RADIL: variants seen among roughly 807,000 people sequenced by gnomAD.
RADIL encodes ras-associating and dilute domain-containing protein.
In RADIL, 99 loss-of-function variants were observed where a neutral mutation model predicts 97.6. That is an observed-to-expected ratio of 1.01 (90% CI 0.86 to 1.20). RADIL has a LOEUF of 1.20. Among genes scored for constraint, RADIL ranks in the 50% most tolerant of loss-of-function variants. RADIL has a pLI of 0.00. For missense variants in RADIL, 1,765 were observed against 1,498.9 expected (o/e 1.18, Z -2.93); for synonymous variants, 803 against 691.8 (o/e 1.16, Z -2.52).
rs183764231 is a variant in RADIL at position 4,821,550 on chromosome 7, C to G, written c.1615+844G>C. Among the ~76,000 whole-genome samples, 141 of 152,308 alleles carry G rather than the reference C, an allele frequency of 9.3e-4. No homozygotes were observed. The highest frequency in any genetic ancestry group is 3.0e-3 in the African/African-American group (123 of 41,550). ...CCTCTCCCTTAGTATTTTCAGAACA[C>G]TTCCTACTGCATTTCAGAAATCCTG... On this transcript the variant is annotated intron_variant, in intron 6 of 14. Transcript: ENST00000399583. This position sits in a 1 kb window ranked among gnomAD's most constrained non-coding sequence, Gnocchi z 5.2.
chr7:4,819,449 C>T lies in RADIL; in HGVS notation c.1616-2098G>A, dbSNP rs1006168028. The stretch of plus-strand genomic sequence containing the variant: ...CATTTCTGAGGATTTCCGACGCCCA[C>T]GAGCCATTAAGAGGACACACCAGCC... On this transcript the variant is annotated intron_variant, in intron 6 of 14. Coordinates refer to ENST00000399583, the MANE Select transcript of RADIL (RefSeq NM_018059.5). The surrounding 1 kb of genome is among the most constrained non-coding windows in gnomAD (Gnocchi z 5.8). 2.9e-4 allele frequency among the ~76,000 whole-genome samples: 44 copies of T among 151,954 alleles called. No individual in the cohort carries two copies. Among genetic ancestry groups the T allele is most frequent in the Non-Finnish European group, 5.7e-4 (39 of 67,984 alleles).
rs1782608742 is a variant in RADIL, at chr7:4,813,868, C to T, written c.2139+1410G>A. Among the ~76,000 whole-genome samples the T allele has an allele frequency of 6.6e-6, 1 of 152,178 alleles. No homozygotes were observed. Reference sequence around the variant, plus strand: ...TTAGCCCCATCTTGACATCGGTGTCCAGAGGTACCTGGTGCCACCAATTCC... The same window carrying T: ...TTAGCCCCATCTTGACATCGGTGTCTAGAGGTACCTGGTGCCACCAATTCC... On this transcript the variant is annotated intron_variant, in intron 9 of 14. Transcript: ENST00000399583. The surrounding 1 kb of genome is among the most constrained non-coding windows in gnomAD (Gnocchi z 5.0).
Position 4,805,718 on chromosome 7 carries a change from T to C in RADIL, c.2140-2A>G, listed in dbSNP as rs748670203. 2 of 1,605,362 alleles carry C rather than the reference T, an allele frequency of 1.2e-6. No individual in the cohort carries two copies. Among genetic ancestry groups the C allele is most frequent in the Admixed American group, 3.3e-5 (2 of 59,822 alleles). On this transcript the variant is annotated splice_acceptor_variant, in intron 9 of 14. Coordinates refer to ENST00000399583, the MANE Select transcript of RADIL (RefSeq NM_018059.5). LOFTEE classifies it high-confidence loss of function. ...AGCCCGCAGGGCTGTCCAGCTCATC[T>C]GGGTGACAAGAAGGAGCTCATGGTC...
rs1261107635 is a variant in RADIL, at chr7:4,814,567, AG to A, written c.2139+710del. Among the ~76,000 whole-genome samples the A allele has an allele frequency of 2.9e-5, 4 of 139,982 alleles. No individual in the cohort carries two copies. Among genetic ancestry groups the A allele is most frequent in the Non-Finnish European group, 6.3e-5 (4 of 63,780 alleles). The allele number at this position is 139,982 out of a possible 152,430, so 91.8% of individuals were successfully genotyped here. A position where few individuals can be genotyped will look rare whatever the true frequency, so the allele number is the denominator to read the frequency against. ...GTGGTGAGTGGCTGACTGTGTTGGG[AG>A]GGGGGTGGTGAGCAGCGAGGGAAGC... On this transcript the variant is annotated intron_variant, in intron 9 of 14. Coordinates refer to ENST00000399583, the MANE Select transcript of RADIL (RefSeq NM_018059.5). The surrounding 1 kb of genome is among the most constrained non-coding windows in gnomAD (Gnocchi z 4.5).
chr7:4,832,434 C>T (rs186122730), intron 4 of RADIL, among the ~76,000 whole-genome samples: 7 of 152,222 alleles, frequency 4.6e-5, no homozygotes, highest in Admixed American at 3.9e-4. Context: ...TACATAACAA[C>T]CGGCTATTTA....
At position 4,824,334 on chromosome 7, in the gene RADIL, C is replaced by T. The variant is rs1330091852; in HGVS notation, c.1455-1780G>A. Among the ~76,000 whole-genome samples the T allele has an allele frequency of 5.9e-5, 9 of 152,210 alleles. No individual in the cohort carries two copies. In the East Asian group the frequency reaches 1.5e-3, roughly 26 times the overall value. ...GCTGGACGGCCGTCAGAGTGACCAT[C>T]GCGTGCTCAGTCCCAGGTGTGTGGA... On this transcript the variant is annotated intron_variant, in intron 5 of 14. Coordinates refer to ENST00000399583, the MANE Select transcript of RADIL (RefSeq NM_018059.5). This position sits in a 1 kb window ranked among gnomAD's most constrained non-coding sequence, Gnocchi z 6.7.
chr7:4,808,493 A>G (rs1418317077), intron 9 of RADIL: 51 of 835,058 alleles, frequency 6.1e-5, no homozygotes, highest in Non-Finnish European at 7.4e-5. Context: ...AGGGCCCCCA[A>G]GCTAGAAATG....
At chr7:4,838,728 C>T (rs1202742180) in intron 2 of RADIL, among the ~76,000 whole-genome samples, 3 of 152,234 alleles carry the variant, frequency 2.0e-5, no homozygotes, top group Non-Finnish European at 4.4e-5. Flanking sequence ...GAGGCCTCTC[C>T]TCTGGGCGGT....
At chr7:4,855,280 T>C (rs1411963460) in intron 2 of RADIL, among the ~76,000 whole-genome samples, 1 of 152,084 alleles carries the variant, frequency 6.6e-6, no homozygotes, top group East Asian at 1.9e-4. Flanking sequence ...CCACGAGAAA[T>C]ACCAGAGAAA....
rs764986813 is a variant in RADIL at position 4,878,057 on chromosome 7, A to G, written c.83T>C (p.Leu28Pro). ...KRQSQLLSSM[L>P]SRTLSYKYRD... ...GTACTTGTAGCTCAGCGTCCGGGACAGCATGCTGGACAACAGCTGGCTCTG... is the reference window on the plus strand; with the variant it reads ...GTACTTGTAGCTCAGCGTCCGGGACGGCATGCTGGACAACAGCTGGCTCTG... The change falls in exon 2 of 15, where the codon CTG (leucine) becomes CCG (proline). Residue 28 changes from leucine to proline, a missense_variant. Transcript: ENST00000399583. The surrounding 1 kb of genome is among the most constrained non-coding windows in gnomAD (Gnocchi z 4.1). 3.1e-6 allele frequency: 5 copies of G among 1,603,002 alleles called. No individual in the cohort carries two copies. The highest frequency in any genetic ancestry group is 4.3e-6 in the Non-Finnish European group (5 of 1,175,788).
chr7:4,870,771 C>T (rs907103627), intron 2 of RADIL, among the ~76,000 whole-genome samples: 2 of 152,166 alleles, frequency 1.3e-5, no homozygotes, highest in African/African-American at 4.8e-5. Flanking sequence ...CAGTTCACAC[C>T]AGTGACAACA....
intron 2 of RADIL, among the ~76,000 whole-genome samples, chr7:4,874,010 T>A (rs1263856072): frequency 3.3e-5 from 5 of 152,214 alleles, no homozygotes. Context: ...TAGTGCCGGC[T>A]GCAAACTCAC....
chr7:4,846,568 G>A (rs1282949579), intron 2 of RADIL, among the ~76,000 whole-genome samples: 2 of 132,204 alleles, frequency 1.5e-5, no homozygotes, highest in Non-Finnish European at 3.1e-5. Context: ...TTTTTGAGAC[G>A]AAGTCTTGCT....
intron 2 of RADIL, chr7:4,857,979 T>C (rs1783874594): frequency 6.6e-6 from 1 of 152,620 alleles, no homozygotes; most frequent in South Asian, 2.1e-4. Context: ...CTAATTTTTT[T>C]CCCAATGTGT....
intron 2 of RADIL, among the ~76,000 whole-genome samples, chr7:4,870,429 G>C (rs1027297680): frequency 6.6e-6 from 1 of 152,178 alleles, no homozygotes; most frequent in African/African-American, 2.4e-5. Context: ...ATATTAACGT[G>C]GTTTTTTGTT....
intron 6 of RADIL, among the ~76,000 whole-genome samples, chr7:4,820,061 C>T (rs751904521): frequency 3.3e-5 from 5 of 152,208 alleles, no homozygotes; most frequent in Non-Finnish European, 7.3e-5. Context: ...AACACAGAGC[C>T]GAAAAATCAC....
rs1186559039 is a variant in RADIL at position 4,816,336 on chromosome 7, G to C, written c.1858C>G (p.Leu620Val). 1.9e-6 allele frequency: 3 copies of C among 1,612,420 alleles called. No individual in the cohort carries two copies. Among genetic ancestry groups the C allele is most frequent in the East Asian group, 4.5e-5 (2 of 44,844 alleles). ...RRVVSVYQAA[L>V]DLLRQLQVHP... ...ACCTGCAGCTGCCGCAGGAGGTCCA[G>C]GGCTGCCTGGTACACAGACACCACG... The change falls in exon 8 of 15, where the codon CTG becomes GTG. Residue 620 changes from leucine (L) to valine (V), a missense_variant. Coordinates refer to ENST00000399583, the MANE Select transcript of RADIL (RefSeq NM_018059.5).
intron 2 of RADIL, chr7:4,861,569 C>G (rs530008899): frequency 1.9e-6 from 3 of 1,613,828 alleles, no homozygotes. Context: ...CTTGCTTTCA[C>G]TGATTTCGCG....
chr7:4,822,503 G>T lies in RADIL; in HGVS notation c.1506C>A (p.Asp502Glu). 6.2e-7 allele frequency: 1 copy of T among 1,613,102 alleles called. No homozygotes were observed. Among genetic ancestry groups the T allele is most frequent in the Non-Finnish European group, 8.5e-7 (1 of 1,180,008 alleles). ...ACATCCAGAAAAGAATGGGCTGCAA[G>T]TCTGGAACCAGATCAGCCATGGCGC... ...ASCAMADLVP[D>E]LQPILFWMSN... The change falls in exon 6 of 15, where the codon GAC (aspartate) becomes GAA (glutamate). Residue 502 changes from aspartate (D) to glutamate (E), a missense_variant. Coordinates refer to ENST00000399583, the MANE Select transcript of RADIL (RefSeq NM_018059.5). This position sits in a 1 kb window ranked among gnomAD's most constrained non-coding sequence, Gnocchi z 5.3.
Sources: gnomAD v4.1 joint callset for allele counts (sites outside exome capture counted in the v4.1 genomes callset) on GRCh38, gnomAD v4.1.1 for gene constraint, Gnocchi (gnomAD v3.1) non-coding constraint, MANE v1.5 for transcripts, NCBI Gene and HGNC (gene_info 2026-07-23, HGNC 2026-07-21) for gene names.